The following TTC28 variants were observed in gnomAD, a reference collection of about 807,000 sequenced individuals.
The protein encoded by TTC28 is tetratricopeptide repeat domain 28.
TTC28 carries 61 observed loss-of-function variants against 198.0 expected under a neutral mutation model. The observed-to-expected ratio is 0.31, with a 90% CI of 0.25 to 0.38. The LOEUF (loss-of-function observed/expected upper bound fraction) is 0.38, where lower values mean the gene tolerates loss of function less well. Ranked by LOEUF, TTC28 falls within the 10% of genes least tolerant of loss-of-function variation. The pLI is 1.00. For synonymous variants in TTC28, 1,171 were observed against 1,297.8 expected, an observed-to-expected ratio of 0.90 and a Z score of 2.10; for missense variants, 2,678 against 3,164.0, an observed-to-expected ratio of 0.85 and a Z score of 3.69.
intron 22 of TTC28, among the ~76,000 whole-genome samples, chr22:27,984,930 C>T (rs954593164): frequency 2.6e-5 from 4 of 152,300 alleles, no homozygotes; most frequent in East Asian, 1.9e-4. Context: ...CCTGAGTGTC[C>T]GCTCCGGTCA....
At chr22:28,303,398 A>C (rs2045066785) in intron 3 of TTC28, among the ~76,000 whole-genome samples, 1 of 152,234 alleles carries the variant, frequency 6.6e-6, no homozygotes, top group Non-Finnish European at 1.5e-5. Flanking sequence ...TTAATGATTT[A>C]AGAGAAATAC....
chr22:28,094,017 T>C lies in TTC28; in HGVS notation c.3932+63A>G, dbSNP rs1260167844. 61 of 1,449,298 alleles carry C rather than the reference T, an allele frequency of 4.2e-5. No individual in the cohort carries two copies. The East Asian group carries it at 1.5e-3, about 36-fold the overall frequency. 89.8% of individuals were successfully genotyped at this position (1,449,298 alleles called of 1,614,324 possible). On this transcript the variant is annotated intron_variant, in intron 12 of 22. Transcript: ENST00000397906. Reference sequence around the variant, plus strand: ...TTCTTCTGTTAGCTCAAATAGGATGTTTACAAAAAATAATACCCTGAGATT... The same window carrying C: ...TTCTTCTGTTAGCTCAAATAGGATGCTTACAAAAAATAATACCCTGAGATT...
chr22:28,524,476 A>AT (rs940444691), intron 2 of TTC28, among the ~76,000 whole-genome samples: 2 of 151,036 alleles, frequency 1.3e-5, no homozygotes, highest in Non-Finnish European at 2.9e-5. Flanking sequence ...AAAAAAAAAA[A>AT]AATATTCAAC....
At chr22:28,424,916 G>A (rs750084408) in intron 2 of TTC28, among the ~76,000 whole-genome samples, 3 of 152,094 alleles carry the variant, frequency 2.0e-5, no homozygotes, top group African/African-American at 7.2e-5. Flanking sequence ...TTTACTCTGG[G>A]TTCTTGGATT....
chr22:28,015,210 G>C (rs367881900), intron 13 of TTC28, among the ~76,000 whole-genome samples: 3 of 152,278 alleles, frequency 2.0e-5, no homozygotes, highest in African/African-American at 7.2e-5. Context: ...AAATGCACAA[G>C]TGAGCAGAAG....
At chr22:28,596,153 T>A (rs942349776) in intron 2 of TTC28, among the ~76,000 whole-genome samples, 1 of 152,212 alleles carries the variant, frequency 6.6e-6, no homozygotes, top group African/African-American at 2.4e-5. Context: ...ATATTCAAGT[T>A]GATCTCTGAA....
chr22:28,263,555 T>A (rs1931474520), intron 5 of TTC28, among the ~76,000 whole-genome samples: 1 of 152,172 alleles, frequency 6.6e-6, no homozygotes, highest in Admixed American at 6.5e-5. Flanking sequence ...TCATTTCATA[T>A]AATCATCCTA....
intron 2 of TTC28, among the ~76,000 whole-genome samples, chr22:28,339,980 G>A (rs1236308257): frequency 6.6e-6 from 1 of 152,128 alleles, no homozygotes; most frequent in African/African-American, 2.4e-5. Context: ...CTTCTGCGTC[G>A]CCTACGCTGG....
intron 13 of TTC28, among the ~76,000 whole-genome samples, chr22:28,025,797 G>A (rs1379725415): frequency 6.6e-6 from 1 of 152,216 alleles, no homozygotes; most frequent in East Asian, 1.9e-4. Context: ...TTGAGCCCAG[G>A]AGTTTGAGGC....
chr22:28,174,749 A>C (rs1243389092), intron 5 of TTC28, among the ~76,000 whole-genome samples: 1 of 152,144 alleles, frequency 6.6e-6, no homozygotes, highest in Non-Finnish European at 1.5e-5. Context: ...TCCACCCTTT[A>C]CTTAGGACAT....
At chr22:28,441,279 A>T (rs1354640723) in intron 2 of TTC28, among the ~76,000 whole-genome samples, 1 of 152,240 alleles carries the variant, frequency 6.6e-6, no homozygotes, top group African/African-American at 2.4e-5. Flanking sequence ...CAGACATCTT[A>T]AAACTACTCA....
intron 17 of TTC28, among the ~76,000 whole-genome samples, chr22:27,994,083 A>G (rs573563390): frequency 6.6e-6 from 1 of 152,308 alleles, no homozygotes; most frequent in African/African-American, 2.4e-5. Flanking sequence ...CGCTGAAGTC[A>G]CCCAAGTCAC....
intron 6 of TTC28, among the ~76,000 whole-genome samples, chr22:28,109,628 A>C (rs1942429556): frequency 6.6e-6 from 1 of 152,278 alleles, no homozygotes; most frequent in South Asian, 2.1e-4. Context: ...CATACATATC[A>C]TAACTATAAA....
At chr22:28,173,986 G>A (rs1245043353) in intron 5 of TTC28, among the ~76,000 whole-genome samples, 2 of 152,164 alleles carry the variant, frequency 1.3e-5, no homozygotes, top group Non-Finnish European at 2.9e-5. Context: ...CCTGCGGCTA[G>A]TACCAGAAAT....
At chr22:28,659,684 C>T (rs1264468894) in intron 1 of TTC28, among the ~76,000 whole-genome samples, 1 of 152,126 alleles carries the variant, frequency 6.6e-6, no homozygotes, top group African/African-American at 2.4e-5. Context: ...ATCCCTTGAG[C>T]CTAGGAGTCC....
At chr22:28,022,189 C>A (rs930210289) in intron 13 of TTC28, among the ~76,000 whole-genome samples, 2 of 152,186 alleles carry the variant, frequency 1.3e-5, no homozygotes, top group African/African-American at 4.8e-5. Context: ...GGCCCTGAAC[C>A]CTCATCTGCC....
chr22:28,221,169 G>A (rs1037800001), intron 5 of TTC28, among the ~76,000 whole-genome samples: 10 of 151,964 alleles, frequency 6.6e-5, no homozygotes, highest in African/African-American at 2.4e-4. Context: ...CCTAGGAGGA[G>A]GAAGAGGACT....
In TTC28 at chr22:28,557,298, G is replaced by A. The variant is rs140137798; in HGVS notation, c.381+72254C>T. ...CTTGCTTTCTGGGATTCTGACTAGAGACTTACATTAAACCTTCATATTCCA... is the reference window on the plus strand; with the variant it reads ...CTTGCTTTCTGGGATTCTGACTAGAAACTTACATTAAACCTTCATATTCCA... On this transcript the variant is annotated intron_variant, in intron 2 of 22. Coordinates refer to ENST00000397906, the MANE Select transcript of TTC28 (RefSeq NM_001145418.2). Among the ~76,000 whole-genome samples the A allele has an allele frequency of 3.9e-3, 593 of 152,252 alleles. 6 individuals carry two copies. The highest frequency in any genetic ancestry group is 7.0e-3 in the Admixed American group (107 of 15,280).
intron 2 of TTC28, among the ~76,000 whole-genome samples, chr22:28,334,748 C>A (rs904732619): frequency 6.6e-6 from 1 of 152,032 alleles, no homozygotes; most frequent in Admixed American, 6.6e-5. Flanking sequence ...CTGGATATTA[C>A]CCCTTTGTCA....
Sources: allele counts gnomAD v4.1 joint callset (sites outside exome capture counted in the v4.1 genomes callset), GRCh38; gene constraint gnomAD v4.1.1; transcripts MANE v1.5; gene names NCBI Gene and HGNC (gene_info 2026-07-23, HGNC 2026-07-21).